DPP6: variants seen among roughly 807,000 people sequenced by gnomAD.
DPP6 encodes A-type potassium channel modulatory protein DPP6.
DPP6 carries 69 observed loss-of-function variants against 122.6 expected under a neutral mutation model. The ratio of observed to expected loss-of-function variants is 0.56; its 90% confidence interval spans 0.46 to 0.69. The LOEUF is 0.69. DPP6 is among the 30% of genes least tolerant of loss of function. The pLI, the probability that DPP6 is intolerant of heterozygous loss-of-function variation, is 0.00. For missense variants in DPP6, 928 were observed against 1,116.9 expected, an observed-to-expected ratio of 0.83 and a Z score of 2.41; for synonymous variants, 418 against 433.1, an observed-to-expected ratio of 0.97 and a Z score of 0.43.
chr7:153,828,797 GA>G, the DPP6 span, among the ~76,000 whole-genome samples: 1 of 152,044 alleles, frequency 6.6e-6, no homozygotes, highest in Non-Finnish European at 1.5e-5. Flanking sequence ...TTTCATAATT[GA>G]AATGAGCTAC....
At chr7:154,558,527 G>A (rs565206984) in intron 4 of DPP6, among the ~76,000 whole-genome samples, 1 of 152,262 alleles carries the variant, frequency 6.6e-6, no homozygotes. Context: ...GTAGGACATT[G>A]GTCCCCTAAG....
At chr7:154,280,833 A>G (rs1198901937) in intron 1 of DPP6, among the ~76,000 whole-genome samples, 1 of 152,130 alleles carries the variant, frequency 6.6e-6, no homozygotes, top group Non-Finnish European at 1.5e-5. Flanking sequence ...ATATTAACAT[A>G]TGCAATTATC....
At chr7:154,405,300 T>C (rs1815987237) in intron 1 of DPP6, among the ~76,000 whole-genome samples, 1 of 152,180 alleles carries the variant, frequency 6.6e-6, no homozygotes, top group Non-Finnish European at 1.5e-5. Context: ...ATCCCTGTGG[T>C]TTGTTTTTGG....
chr7:153,865,099 G>A, the DPP6 span, among the ~76,000 whole-genome samples: 917 of 152,006 alleles, frequency 6.0e-3, 17 homozygotes, highest in African/African-American at 0.02. Flanking sequence ...AACTTAAAGC[G>A]ATTTACCAGC....
chr7:154,830,360 G>A (rs999032044), intron 16 of DPP6, among the ~76,000 whole-genome samples: 1 of 152,292 alleles, frequency 6.6e-6, no homozygotes, highest in Middle Eastern at 3.4e-3. Flanking sequence ...GAAGCCACTC[G>A]GGGGACTGGG....
intron 1 of DPP6, among the ~76,000 whole-genome samples, chr7:153,895,599 C>A (rs1298417394): frequency 6.9e-6 from 1 of 145,786 alleles, no homozygotes; most frequent in Non-Finnish European, 1.5e-5. Context: ...ACGGGGAAAA[C>A]AAATAGATGG....
At chr7:154,296,532 T>C (rs1805553252) in intron 1 of DPP6, among the ~76,000 whole-genome samples, 2 of 152,196 alleles carry the variant, frequency 1.3e-5, no homozygotes, top group Non-Finnish European at 2.9e-5. Context: ...AGGCCCAGCC[T>C]CCTGTGTCCT....
intron 1 of DPP6, among the ~76,000 whole-genome samples, chr7:154,354,511 G>A (rs1478118985): frequency 6.6e-6 from 1 of 152,056 alleles, no homozygotes; most frequent in Non-Finnish European, 1.5e-5. Flanking sequence ...TCCTGCAAAT[G>A]GCTTCCCTAT....
chr7:154,091,450 G>A (rs1406235676), intron 1 of DPP6, among the ~76,000 whole-genome samples: 1 of 152,104 alleles, frequency 6.6e-6, no homozygotes, highest in Non-Finnish European at 1.5e-5. Context: ...TGTAACCCTG[G>A]CAGAAGAAAA....
At chr7:154,205,573 G>A (rs1799397537) in intron 1 of DPP6, among the ~76,000 whole-genome samples, 2 of 152,068 alleles carry the variant, frequency 1.3e-5, no homozygotes, top group South Asian at 4.1e-4. Context: ...TTTCAGGGCT[G>A]AACAGTTCCC....
chr7:154,524,143 T>G (rs1827219862), intron 3 of DPP6, among the ~76,000 whole-genome samples: 1 of 152,240 alleles, frequency 6.6e-6, no homozygotes, highest in Non-Finnish European at 1.5e-5. Context: ...TAATTATTAG[T>G]TTTCAGATTA....
rs542167058 is a variant in DPP6, at chr7:154,459,187, G to T, written c.358+12859G>T. ...TTCAGATTAAAAATATACATTGTAT[G>T]TGACAGATAATGATAATTTCTGAGA... On this transcript the variant is annotated intron_variant, in intron 2 of 25. Transcript: ENST00000377770. 7.9e-5 allele frequency among the ~76,000 whole-genome samples: 12 copies of T among 152,330 alleles called. 1 individual carries two copies. The South Asian group carries it at 2.3e-3, about 29-fold the overall frequency.
chr7:154,157,442 C>A (rs1368811638), intron 1 of DPP6, among the ~76,000 whole-genome samples: 2 of 152,172 alleles, frequency 1.3e-5, no homozygotes, highest in Non-Finnish European at 2.9e-5. Context: ...GTTTGTTTTT[C>A]ATTGTCTTTT....
At chr7:154,351,906 C>G (rs979591968) in intron 1 of DPP6, among the ~76,000 whole-genome samples, 6 of 152,130 alleles carry the variant, frequency 3.9e-5, no homozygotes, top group African/African-American at 1.4e-4. Context: ...GTTCCCTGGT[C>G]TGGGGCATCT....
intron 1 of DPP6, among the ~76,000 whole-genome samples, chr7:153,907,981 A>G (rs576594672): frequency 2.0e-5 from 3 of 149,698 alleles, no homozygotes; most frequent in South Asian, 2.1e-4. Flanking sequence ...TTTGTTTTCT[A>G]TGAATTTGAG....
chr7:154,639,202 C>T (rs746849354), intron 6 of DPP6, among the ~76,000 whole-genome samples: 15 of 152,278 alleles, frequency 9.9e-5, no homozygotes, highest in Non-Finnish European at 1.3e-4. Context: ...AAAGGGAAGA[C>T]GCATGTGGAT....
chr7:154,447,613 A>G (rs1214135058), intron 2 of DPP6, among the ~76,000 whole-genome samples: 1 of 152,204 alleles, frequency 6.6e-6, no homozygotes, highest in East Asian at 1.9e-4. Flanking sequence ...CAAACTAGAT[A>G]AAGATATCAC....
At chr7:154,061,395 A>G (rs1349479790) in intron 1 of DPP6, among the ~76,000 whole-genome samples, 2 of 146,706 alleles carry the variant, frequency 1.4e-5, no homozygotes, top group Non-Finnish European at 1.5e-5. Context: ...TTTAACCCAA[A>G]CTGTGGGGCC....
the DPP6 span, among the ~76,000 whole-genome samples, chr7:153,780,975 T>TAA: frequency 3.5e-4 from 46 of 130,214 alleles, no homozygotes; most frequent in Non-Finnish European, 5.6e-4. Context: ...AATGAATTTT[T>TAA]TAAAAAAATG....
Sources: allele counts gnomAD v4.1 joint callset (sites outside exome capture counted in the v4.1 genomes callset), GRCh38; gene constraint gnomAD v4.1.1; transcripts MANE v1.5; gene names NCBI Gene and HGNC (gene_info 2026-07-23, HGNC 2026-07-21).